The following ARHGAP10 variants were observed in gnomAD, a reference collection of about 807,000 sequenced individuals.
The protein encoded by ARHGAP10 is rho GTPase-activating protein 10.
ARHGAP10 carries 87 observed loss-of-function variants against 108.6 expected under a neutral mutation model. The ratio of observed to expected loss-of-function variants is 0.80; its 90% CI spans 0.67 to 0.96. The LOEUF (loss-of-function observed/expected upper bound fraction) is 0.96. Among genes scored for constraint, ARHGAP10 ranks in the 40% least tolerant of loss-of-function variants. The pLI, the probability that ARHGAP10 is intolerant of heterozygous loss-of-function variation, is 0.00. For missense variants in ARHGAP10, 939 were observed against 954.5 expected (o/e 0.98, Z 0.21); for synonymous variants, 347 against 341.1 (o/e 1.02, Z -0.19).
chr4:147,907,461 AG>A (rs1736540965), intron 11 of ARHGAP10, among the ~76,000 whole-genome samples: 1 of 152,228 alleles, frequency 6.6e-6, no homozygotes, highest in African/African-American at 2.4e-5. Context: ...GGTGCCAGGC[AG>A]GCTTATCTGG....
chr4:148,063,381 C>A (rs1048840509), intron 21 of ARHGAP10, 81 bp downstream of exon 21: 158 of 1,554,172 alleles, frequency 1.0e-4, no homozygotes, highest in Non-Finnish European at 1.4e-4. Context: ...TTCTTGTGTT[C>A]TCTGCTGGCA....
intron 18 of ARHGAP10, among the ~76,000 whole-genome samples, chr4:147,975,917 T>A (rs1054572012): frequency 1.3e-5 from 2 of 152,222 alleles, no homozygotes; most frequent in African/African-American, 4.8e-5. Flanking sequence ...ATGACCTGCA[T>A]CTACCTCTCT....
chr4:147,921,354 G>C (rs971354247), intron 13 of ARHGAP10, among the ~76,000 whole-genome samples: 3 of 152,222 alleles, frequency 2.0e-5, no homozygotes, highest in Non-Finnish European at 4.4e-5. Flanking sequence ...ACTGGTCTCA[G>C]TCTACATCTG....
intron 18 of ARHGAP10, among the ~76,000 whole-genome samples, chr4:147,987,459 C>T (rs571445403): frequency 2.6e-5 from 4 of 152,294 alleles, no homozygotes; most frequent in African/African-American, 9.6e-5. Flanking sequence ...GTCTGTAGTG[C>T]CCTGTAGTCA....
intron 3 of ARHGAP10, among the ~76,000 whole-genome samples, chr4:147,838,522 T>C (rs922850318): frequency 8.5e-6 from 1 of 117,796 alleles, no homozygotes; most frequent in Non-Finnish European, 2.0e-5. Flanking sequence ...CTCTGGGATA[T>C]GTTTCCATGA....
intron 18 of ARHGAP10, among the ~76,000 whole-genome samples, chr4:147,973,141 G>A (rs1293257665): frequency 6.6e-6 from 1 of 152,152 alleles, no homozygotes; most frequent in Non-Finnish European, 1.5e-5. Flanking sequence ...GTGATATTCA[G>A]TGTCAATTTT....
chr4:147,741,790 A>G (rs149319955), intron 1 of ARHGAP10, among the ~76,000 whole-genome samples: 1,181 of 16,964 alleles, frequency 0.07, 16 homozygotes, highest in African/African-American at 0.13. Context: ...ACACACACAC[A>G]CGCACACACA....
intron 19 of ARHGAP10, among the ~76,000 whole-genome samples, chr4:148,031,352 G>A (rs912758260): frequency 6.6e-6 from 1 of 152,064 alleles, no homozygotes; most frequent in Non-Finnish European, 1.5e-5. Context: ...ACTGTTATTG[G>A]CAATATTTAT....
rs189457868 is a variant in ARHGAP10 at position 148,003,002 on chromosome 4, A to G, written c.1717-20261A>G. 1.6e-3 allele frequency among the ~76,000 whole-genome samples: 247 copies of G among 152,038 alleles called. 1 individual carries two copies. The highest frequency in any genetic ancestry group is 5.6e-3 in the African/African-American group (232 of 41,474). ...TGCTTCTCTAGTTCTTTTAATTGTG[A>G]TGTTAGGGTGTTAATTTTAGATCTT... On this transcript the variant is annotated intron_variant, in intron 18 of 22. Coordinates refer to ENST00000336498, the MANE Select transcript of ARHGAP10 (RefSeq NM_024605.4).
chr4:147,955,398 AG>A (rs767952666), intron 16 of ARHGAP10, 24 bp downstream of exon 16: 1 of 1,596,068 alleles, frequency 6.3e-7, no homozygotes, highest in East Asian at 2.2e-5. Flanking sequence ...AAAGGTATAT[AG>A]GAACAGTTTT....
intron 15 of ARHGAP10, among the ~76,000 whole-genome samples, chr4:147,952,825 A>G (rs1428666642): frequency 6.6e-6 from 1 of 151,846 alleles, no homozygotes; most frequent in Non-Finnish European, 1.5e-5. Context: ...AAACCTTTGC[A>G]CTTATTCAGG....
chr4:147,827,356 CTAATTAAATAGCCTA>C (rs1235993694), intron 3 of ARHGAP10, among the ~76,000 whole-genome samples: 2 of 152,076 alleles, frequency 1.3e-5, no homozygotes, highest in African/African-American at 4.8e-5. Context: ...TGGTAAAGAG[CTAATTAAATAGCCTA>C]TACTAAGTGC....
intron 1 of ARHGAP10, among the ~76,000 whole-genome samples, chr4:147,766,823 TATATATATATATA>T (rs1560746971): frequency 0.01 from 138 of 13,730 alleles, 1 homozygote; most frequent in Admixed American, 0.023. Context: ...TATATATATA[TATATATATATATA>T]TATTTATTTA....
At chr4:147,925,870 T>C (rs964455088) in intron 13 of ARHGAP10, among the ~76,000 whole-genome samples, 1 of 152,206 alleles carries the variant, frequency 6.6e-6, no homozygotes, top group Non-Finnish European at 1.5e-5. Context: ...GTGATACTTA[T>C]GGATGATACA....
chr4:147,920,960 A>G (rs1737209486), intron 13 of ARHGAP10, among the ~76,000 whole-genome samples: 1 of 152,234 alleles, frequency 6.6e-6, no homozygotes, highest in African/African-American at 2.4e-5. Context: ...TATGCATTTG[A>G]TTGTAAAGGA....
intron 7 of ARHGAP10, 106 bp from the exon 8 acceptor site, chr4:147,874,911 GTTAT>G: frequency 8.4e-7 from 1 of 1,185,864 alleles, no homozygotes; most frequent in Non-Finnish European, 1.1e-6. Flanking sequence ...TTATAAAAAA[GTTAT>G]TTAGAGTTAA....
chr4:147,969,433 C>T (rs1033410975), intron 18 of ARHGAP10, among the ~76,000 whole-genome samples: 3 of 149,764 alleles, frequency 2.0e-5, no homozygotes, highest in Non-Finnish European at 4.4e-5. Flanking sequence ...ATCCAGACAG[C>T]TCATGGAAAG....
chr4:147,822,866 C>T, intron 2 of ARHGAP10, 30 bp from the exon 3 acceptor site: 1 of 1,613,578 alleles, frequency 6.2e-7, no homozygotes, highest in Non-Finnish European at 8.5e-7. Context: ...TTGCCATGGC[C>T]ACCAAATAAT....
intron 5 of ARHGAP10, chr4:147,863,710 T>C (rs1734422908): frequency 6.6e-6 from 1 of 152,206 alleles, no homozygotes; most frequent in South Asian, 2.1e-4. Flanking sequence ...GGCTGAACTA[T>C]TGAATTCTGG....
Sources: allele counts gnomAD v4.1 joint callset (sites outside exome capture counted in the v4.1 genomes callset), GRCh38; gene constraint gnomAD v4.1.1; transcripts MANE v1.5; gene names NCBI Gene and HGNC (gene_info 2026-07-23, HGNC 2026-07-21).